The following MYO1D variants were observed in gnomAD, a reference collection of about 807,000 sequenced individuals.
The protein encoded by MYO1D is unconventional myosin-Id.
A neutral mutation model predicts 122.0 loss-of-function variants in MYO1D; 83 were observed. The observed-to-expected ratio is 0.68, with a 90% CI of 0.57 to 0.82. MYO1D has a LOEUF of 0.82. Ranked by LOEUF, MYO1D falls within the 40% of genes least tolerant of loss-of-function variation. The pLI is 0.00. For missense variants in MYO1D, 1,157 were observed against 1,269.5 expected, an observed-to-expected ratio of 0.91 and a Z score of 1.35; for synonymous variants, 464 against 446.9, an observed-to-expected ratio of 1.04 and a Z score of -0.48.
intron 20 of MYO1D, among the ~76,000 whole-genome samples, chr17:32,619,427 T>C (rs2087825591): frequency 6.6e-6 from 1 of 152,202 alleles, no homozygotes; most frequent in Non-Finnish European, 1.5e-5. Context: ...CCCACCTATT[T>C]TGACTCTGTC....
chr17:32,734,853 T>G (rs561608132), intron 14 of MYO1D: 1 of 151,818 alleles, frequency 6.6e-6, no homozygotes, highest in South Asian at 2.1e-4. Flanking sequence ...GTGGATGACC[T>G]GAGATCAGGA....
At chr17:32,665,979 A>G (rs530005084) in intron 16 of MYO1D, among the ~76,000 whole-genome samples, 3 of 152,118 alleles carry the variant, frequency 2.0e-5, no homozygotes, top group African/African-American at 7.2e-5. Flanking sequence ...CTTGGTCTCA[A>G]TATGGTACCT....
At chr17:32,715,844 A>T (rs965221116) in intron 15 of MYO1D, among the ~76,000 whole-genome samples, 1 of 152,122 alleles carries the variant, frequency 6.6e-6, no homozygotes, top group African/African-American at 2.4e-5. Flanking sequence ...CAGGATCCTG[A>T]GAATATTTTT....
chr17:32,769,433 T>A (rs1342831802), intron 6 of MYO1D, among the ~76,000 whole-genome samples: 1 of 152,210 alleles, frequency 6.6e-6, no homozygotes, highest in Non-Finnish European at 1.5e-5. Flanking sequence ...TTATGCTAGA[T>A]AATTAAGTTT....
intron 1 of MYO1D, among the ~76,000 whole-genome samples, chr17:32,785,739 T>C (rs572359564): frequency 1.3e-5 from 2 of 152,350 alleles, no homozygotes; most frequent in Non-Finnish European, 2.9e-5. Flanking sequence ...TTCATTTTCC[T>C]TCTGCTTCTC....
chr17:32,822,319 A>G (rs2090673261), intron 1 of MYO1D, among the ~76,000 whole-genome samples: 2 of 149,808 alleles, frequency 1.3e-5, no homozygotes, highest in South Asian at 4.3e-4. Flanking sequence ...GTGGGAATTG[A>G]ACAATGAGAA....
Position 32,791,084 on chromosome 17 carries a change from C to G in MYO1D, c.96-10300G>C, listed in dbSNP as rs926723425. Among the ~76,000 whole-genome samples, 4 of 152,276 alleles carry G rather than the reference C, an allele frequency of 2.6e-5. No individual in the cohort carries two copies. The South Asian group carries it at 8.3e-4, about 32-fold the overall frequency. ...GCATTAAAATCATGTCAGTAATGAG[C>G]TGGGCATGGTGGCTCACACCTGTAA... is the stretch of plus-strand genomic sequence containing the variant. On this transcript the variant is annotated intron_variant, in intron 1 of 21. Transcript: ENST00000318217.
chr17:32,789,759 C>A (rs990143058), intron 1 of MYO1D, among the ~76,000 whole-genome samples: 1 of 152,188 alleles, frequency 6.6e-6, no homozygotes, highest in African/African-American at 2.4e-5. Context: ...AAGAAGAATG[C>A]AGCCACAAGT....
intron 16 of MYO1D, among the ~76,000 whole-genome samples, chr17:32,666,538 C>T (rs1246157865): frequency 1.3e-5 from 2 of 152,198 alleles, no homozygotes; most frequent in Non-Finnish European, 2.9e-5. Flanking sequence ...CATACTTCTT[C>T]AGCAGTCAGA....
At chr17:32,636,773 T>C (rs901925332) in intron 20 of MYO1D, among the ~76,000 whole-genome samples, 2 of 152,218 alleles carry the variant, frequency 1.3e-5, no homozygotes, top group Admixed American at 1.3e-4. Context: ...CCCACACTTA[T>C]CACACAATGA....
intron 20 of MYO1D, among the ~76,000 whole-genome samples, chr17:32,608,178 C>A (rs1035712037): frequency 2.0e-5 from 3 of 152,126 alleles, no homozygotes; most frequent in Non-Finnish European, 2.9e-5. Context: ...AAGGAAGACA[C>A]TGGTGGGAGA....
Position 32,493,030 on chromosome 17 carries a change from A to G in MYO1D, c.*1729T>C, listed in dbSNP as rs1908941117. ...CATGATCTGTTTTGGTGTGTTTAAA[A>G]CATACATTTGCATGTGTCTAGTGTA... On this transcript the variant is annotated 3_prime_UTR_variant, in exon 22 of 22. Coordinates refer to ENST00000318217, the MANE Select transcript of MYO1D (RefSeq NM_015194.3). 6.6e-6 allele frequency: 1 copy of G among 152,664 alleles called. No homozygotes were observed. Among genetic ancestry groups the G allele is most frequent in the Non-Finnish European group, 1.5e-5 (1 of 68,050 alleles). The allele number at this position is 152,664 out of a possible 1,614,324, so 9.5% of individuals were successfully genotyped here.
chr17:32,869,118 C>G (rs937524380), intron 1 of MYO1D, among the ~76,000 whole-genome samples: 8 of 151,730 alleles, frequency 5.3e-5, no homozygotes, highest in African/African-American at 1.9e-4. Flanking sequence ...ACTAGGGAGG[C>G]TGAGGCATGA....
intron 1 of MYO1D, among the ~76,000 whole-genome samples, chr17:32,839,976 GA>G (rs2090863847): frequency 6.6e-6 from 1 of 152,146 alleles, no homozygotes; most frequent in African/African-American, 2.4e-5. Flanking sequence ...TCTCCTTTTA[GA>G]AAGAAAGAAT....
At chr17:32,765,166 C>G in intron 7 of MYO1D, 85 bp from the exon 8 acceptor site, 2 of 1,097,370 alleles carry the variant, frequency 1.8e-6, no homozygotes, top group Non-Finnish European at 2.7e-6. Flanking sequence ...TTCAGGTGAC[C>G]TTGTTTGTAC....
chr17:32,605,274 G>T, intron 20 of MYO1D, 33 bp from the exon 21 acceptor site: 1 of 1,531,066 alleles, frequency 6.5e-7, no homozygotes, highest in Non-Finnish European at 8.9e-7. Context: ...AAACTATTTG[G>T]ATCATTCTCA....
intron 21 of MYO1D, among the ~76,000 whole-genome samples, chr17:32,559,540 T>C (rs1225463704): frequency 6.6e-6 from 1 of 152,232 alleles, no homozygotes; most frequent in African/African-American, 2.4e-5. Context: ...GTAGTTTACT[T>C]CTGTTTTGTA....
chr17:32,721,607 G>C (rs543594783), intron 14 of MYO1D, among the ~76,000 whole-genome samples: 1 of 152,300 alleles, frequency 6.6e-6, no homozygotes, highest in East Asian at 1.9e-4. Flanking sequence ...TTATGTTAAG[G>C]AATGATAGGG....
chr17:32,784,297 T>C (rs2090270292), intron 1 of MYO1D, among the ~76,000 whole-genome samples: 1 of 152,170 alleles, frequency 6.6e-6, no homozygotes, highest in South Asian at 2.1e-4. Flanking sequence ...ATGGAGTTCA[T>C]TCTGCCTCAC....
Sources: allele counts gnomAD v4.1 joint callset (sites outside exome capture counted in the v4.1 genomes callset), GRCh38; gene constraint gnomAD v4.1.1; transcripts MANE v1.5; gene names NCBI Gene and HGNC (gene_info 2026-07-23, HGNC 2026-07-21).